CAVIN4: variants seen among roughly 807,000 people sequenced by gnomAD.
CAVIN4 encodes the protein caveolae associated protein 4, also known as caveolae-associated protein 4.
In CAVIN4, 10 loss-of-function variants were observed where a neutral mutation model predicts 18.6. The ratio of observed to expected loss-of-function variants is 0.54; its 90% confidence interval spans 0.33 to 0.91. The LOEUF (loss-of-function observed/expected upper bound fraction) is 0.91. Ranked by LOEUF, CAVIN4 falls within the 40% of genes least tolerant of loss-of-function variation. The pLI is 0.02. For synonymous variants in CAVIN4, 173 were observed against 164.8 expected (o/e 1.05, Z -0.38); for missense variants, 459 against 440.5 (o/e 1.04, Z -0.38).
chr9:100,581,347 T>A (rs1456539389), intron 1 of CAVIN4: 3 of 152,324 alleles, frequency 2.0e-5, no homozygotes, highest in Non-Finnish European at 4.4e-5. Context: ...ATCAGTGGGT[T>A]AACAGATGTT....
intron 1 of CAVIN4, among the ~76,000 whole-genome samples, chr9:100,585,008 A>G (rs1587868036): frequency 6.6e-6 from 1 of 152,184 alleles, no homozygotes; most frequent in Non-Finnish European, 1.5e-5. Flanking sequence ...CATACTGAAG[A>G]ATTTGAGCTC....
Position 100,578,465 on chromosome 9 carries a change from G to C in CAVIN4, c.322G>C (p.Glu108Gln). ...CATTAAAGATGTGAAAGCCCGGGTG[G>C]AGAAGCAACAAATTCATGTTAAAAA... ...AHIKDVKARV[E>Q]KQQIHVKKVE... Residue 108 changes from glutamate (E) to glutamine (Q), a missense_variant, in exon 1 of 2, where the codon GAG (glutamate) becomes CAG (glutamine). Transcript: ENST00000307584. 6.2e-7 allele frequency: 1 copy of C among 1,614,040 alleles called. No individual in the cohort carries two copies. The highest frequency in any genetic ancestry group is 1.1e-5 in the South Asian group (1 of 91,080).
chr9:100,579,424 T>G (rs1380710608), intron 1 of CAVIN4, among the ~76,000 whole-genome samples: 1 of 152,160 alleles, frequency 6.6e-6, no homozygotes, highest in African/African-American at 2.4e-5. Flanking sequence ...CAAATAAGAA[T>G]AAAATTCTAA....
At position 100,586,063 on chromosome 9, in the gene CAVIN4, A is replaced by G; in HGVS notation, c.707A>G (p.Gln236Arg). The G allele has an allele frequency of 6.2e-7, 1 of 1,602,996 alleles. No homozygotes were observed. Among genetic ancestry groups the G allele is most frequent in the Non-Finnish European group, 8.5e-7 (1 of 1,170,056 alleles). ...CCGGAGAGGAGAGAGAGGCTAAGGC[A>G]GTCAGGAGAGAGGCTGAGACAGTCA... ...VTPERRERLRQSGERLRQSGE... is the reference protein window; with the variant it reads ...VTPERRERLRRSGERLRQSGE... The change falls in exon 2 of 2, where the codon CAG becomes CGG. Residue 236 changes from glutamine to arginine, a missense_variant. Gln to Arg is a conservative substitution (Grantham distance 43, BLOSUM62 1). Coordinates refer to ENST00000307584, the MANE Select transcript of CAVIN4 (RefSeq NM_001018116.2).
intron 1 of CAVIN4, among the ~76,000 whole-genome samples, chr9:100,584,909 C>T (rs954741549): frequency 5.3e-5 from 8 of 152,230 alleles, no homozygotes; most frequent in South Asian, 4.2e-4. Flanking sequence ...ATGAAAACAT[C>T]TTGTGCTTGA....
upstream of CAVIN4, chr9:100,578,033 T>G: frequency 2.0e-6 from 2 of 997,740 alleles, no homozygotes; most frequent in Middle Eastern, 2.2e-4. Flanking sequence ...TCTCTAGGGG[T>G]GGGGTTTCCA....
chr9:100,585,691 A>C, intron 1 of CAVIN4, 74 bp from the exon 2 acceptor site: 19 of 1,115,150 alleles, frequency 1.7e-5, no homozygotes, highest in Non-Finnish European at 2.6e-5. Context: ...TTTACAAGGC[A>C]TGGCCAGAAG....
rs149770384 is a variant in CAVIN4 at position 100,586,135 on chromosome 9, C to G, written c.779C>G (p.Ser260Cys). ...GGGGAGAGGTTTAAGAAATCTATTTCTAATGCAGCTCCCTCAAAGGAAGCT... is the reference window on the plus strand; with the variant it reads ...GGGGAGAGGTTTAAGAAATCTATTTGTAATGCAGCTCCCTCAAAGGAAGCT... ...QSGERFKKSI[S>C]NAAPSKEAFK... is the part of the protein sequence containing the mutation. Residue 260 changes from serine (S) to cysteine (C), a missense_variant, in exon 2 of 2, where the codon TCT becomes TGT. Physicochemically the swap from Ser to Cys is moderately radical, Grantham distance 112. Coordinates refer to ENST00000307584, the MANE Select transcript of CAVIN4 (RefSeq NM_001018116.2). 8.7e-5 allele frequency: 138 copies of G among 1,582,620 alleles called. No homozygotes were observed. The highest frequency in any genetic ancestry group is 1.1e-4 in the Non-Finnish European group (125 of 1,166,002).
At chr9:100,585,668 C>A in intron 1 of CAVIN4, 97 bp from the exon 2 acceptor site, 1 of 921,430 alleles carries the variant, frequency 1.1e-6, no homozygotes, top group Non-Finnish European at 1.7e-6. Flanking sequence ...AGAGGATAAA[C>A]AGCCCATGGA....
rs547068875 is a variant in CAVIN4 at position 100,586,712 on chromosome 9, G to A, written c.*261G>A. ...ACGTGTTTGGTAAGGGCAACTTTGC[G>A]GCCGTCATTTGCAGGAGAACTCTAA... On this transcript the variant is annotated 3_prime_UTR_variant, in exon 2 of 2. Transcript: ENST00000307584. The A allele has an allele frequency of 2.9e-4, 89 of 302,950 alleles. 4 individuals are homozygous for A. The South Asian group carries it at 4.0e-3, about 14-fold the overall frequency. The allele number at this position is 302,950 out of a possible 1,614,324, so 18.8% of individuals were successfully genotyped here. A position where few individuals can be genotyped will look rare whatever the true frequency, so the allele number is the denominator to read the frequency against.
chr9:100,583,742 G>A (rs1839450504), intron 1 of CAVIN4, among the ~76,000 whole-genome samples: 1 of 151,642 alleles, frequency 6.6e-6, no homozygotes, highest in South Asian at 2.1e-4. Flanking sequence ...CGCCTCCCGG[G>A]TTCAAGTGAT....
Position 100,586,002 on chromosome 9 carries a change from A to G in CAVIN4, c.646A>G (p.Lys216Glu). 2 of 1,614,216 alleles carry G rather than the reference A, an allele frequency of 1.2e-6. No individual in the cohort carries two copies. Among genetic ancestry groups the G allele is most frequent in the Non-Finnish European group, 1.7e-6 (2 of 1,180,032 alleles). Reference protein sequence around the residue: ...NMQKTRQNLDKKVNRIRTRIV... With the variant: ...NMQKTRQNLDEKVNRIRTRIV... ...GCAGAAGACACGGCAGAATCTTGACAAGAAAGTGAACAGAATTAGAACTAG... is the reference window on the plus strand; with the variant it reads ...GCAGAAGACACGGCAGAATCTTGACGAGAAAGTGAACAGAATTAGAACTAG... The change falls in exon 2 of 2, where the codon AAG becomes GAG. Residue 216 changes from lysine to glutamate, a missense_variant. Coordinates refer to ENST00000307584, the MANE Select transcript of CAVIN4 (RefSeq NM_001018116.2).
At chr9:100,577,758 A>G (rs891582090), upstream of CAVIN4, 4 of 165,482 alleles carry the variant, frequency 2.4e-5, no homozygotes, top group African/African-American at 9.6e-5. Flanking sequence ...ACTGTTACAA[A>G]TACTGATTGA....
At chr9:100,580,245 G>A (rs1229298312) in intron 1 of CAVIN4, among the ~76,000 whole-genome samples, 1 of 152,070 alleles carries the variant, frequency 6.6e-6, no homozygotes. Context: ...AGTGAGCCAT[G>A]ATTGTGCCAC....
upstream of CAVIN4, chr9:100,577,765 T>A (rs1416996555): frequency 6.0e-6 from 1 of 166,174 alleles, no homozygotes; most frequent in East Asian, 1.6e-4. Flanking sequence ...CAAATACTGA[T>A]TGAAATTATC....
At chr9:100,578,068 G>T, upstream of CAVIN4, 1 of 1,506,160 alleles carries the variant, frequency 6.6e-7, no homozygotes. Context: ...CCTGTTGCCT[G>T]TTATCAAGCT....
In CAVIN4 at chr9:100,586,111, G is replaced by C. The variant is rs139714525; in HGVS notation, c.755G>C (p.Gly252Ala). 7 of 1,601,456 alleles carry C rather than the reference G, an allele frequency of 4.4e-6. No homozygotes were observed. The highest frequency in any genetic ancestry group is 6.0e-6 in the Non-Finnish European group (7 of 1,174,068). ...RQSGERLRQS[G>A]ERFKKSISNA... ...TCAGGGGAGAGGCTGAGACAGTCAGGGGAGAGGTTTAAGAAATCTATTTCT... is the reference window on the plus strand; with the variant it reads ...TCAGGGGAGAGGCTGAGACAGTCAGCGGAGAGGTTTAAGAAATCTATTTCT... Residue 252 changes from glycine (G) to alanine (A), a missense_variant, in exon 2 of 2, where the codon GGG (glycine) becomes GCG (alanine). Coordinates refer to ENST00000307584, the MANE Select transcript of CAVIN4 (RefSeq NM_001018116.2).
chr9:100,582,335 T>G (rs1046573654), intron 1 of CAVIN4, among the ~76,000 whole-genome samples: 1 of 68,584 alleles, frequency 1.5e-5, no homozygotes, highest in Non-Finnish European at 3.6e-5. Context: ...ATTGGACCTC[T>G]TTCTCTCTCT....
At chr9:100,585,211 A>G (rs1292836520) in intron 1 of CAVIN4, among the ~76,000 whole-genome samples, 5 of 152,172 alleles carry the variant, frequency 3.3e-5, no homozygotes, top group Non-Finnish European at 5.9e-5. Flanking sequence ...GGGAATGAAG[A>G]AGGAGGAGGG....
Sources: allele counts gnomAD v4.1 joint callset (sites outside exome capture counted in the v4.1 genomes callset), GRCh38; gene constraint gnomAD v4.1.1; transcripts MANE v1.5; gene names NCBI Gene and HGNC (gene_info 2026-07-23, HGNC 2026-07-21).